Variants in BRD10 observed in about 807,000 individuals in gnomAD.
BRD10 encodes bromodomain containing 10, also known as uncharacterized bromodomain-containing protein 10.
the BRD10 span, among the ~76,000 whole-genome samples, chr9:5,940,856 C>G: frequency 1.3e-5 from 2 of 152,032 alleles, no homozygotes; most frequent in Non-Finnish European, 2.9e-5. Flanking sequence ...AGGGGCTTAT[C>G]TGATAAAAGA....
the BRD10 span, among the ~76,000 whole-genome samples, chr9:5,886,308 C>G: frequency 3.4e-4 from 52 of 152,310 alleles, no homozygotes; most frequent in African/African-American, 1.2e-3. Context: ...GAGAACCAGT[C>G]AGTGGCCAGC....
chr9:5,904,008 C>A, the BRD10 span, among the ~76,000 whole-genome samples: 1 of 152,042 alleles, frequency 6.6e-6, no homozygotes, highest in Admixed American at 6.6e-5. Flanking sequence ...CAGGTGTGCG[C>A]CACCAAGCCT....
chr9:5,924,128 T>G, the BRD10 span, among the ~76,000 whole-genome samples: 1 of 152,186 alleles, frequency 6.6e-6, no homozygotes, highest in Non-Finnish European at 1.5e-5. Flanking sequence ...TCAGATACAG[T>G]GCTTCAAAAA....
the BRD10 span, among the ~76,000 whole-genome samples, chr9:5,893,204 A>T: frequency 6.6e-6 from 1 of 152,208 alleles, no homozygotes; most frequent in South Asian, 2.1e-4. Context: ...ATTTCAGCAA[A>T]TGTAAGTGCG....
chr9:5,998,720 T>C, the BRD10 span, among the ~76,000 whole-genome samples: 2 of 152,094 alleles, frequency 1.3e-5, no homozygotes, highest in Non-Finnish European at 2.9e-5. Flanking sequence ...CTATAATTTA[T>C]ATACTCTTCT....
the BRD10 span, among the ~76,000 whole-genome samples, chr9:5,946,570 A>C: frequency 6.6e-6 from 1 of 152,046 alleles, no homozygotes. Context: ...TGAGGACTAA[A>C]CTTTTCATAG....
chr9:5,943,229 G>A, the BRD10 span, among the ~76,000 whole-genome samples: 1 of 152,074 alleles, frequency 6.6e-6, no homozygotes, highest in East Asian at 1.9e-4. Flanking sequence ...TGGAAATGAG[G>A]TGAATGGCTT....
At chr9:5,991,529 C>G in the BRD10 span, among the ~76,000 whole-genome samples, 12 of 152,072 alleles carry the variant, frequency 7.9e-5, no homozygotes, top group African/African-American at 2.7e-4. Context: ...TCCAGACCAG[C>G]TTGGCCAATA....
the BRD10 span, chr9:5,920,406 C>T: frequency 8.7e-6 from 14 of 1,613,786 alleles, no homozygotes; most frequent in East Asian, 2.2e-5. Context: ...AACTGACTCC[C>T]GACTAGACTA....
the BRD10 span, among the ~76,000 whole-genome samples, chr9:5,913,326 A>C: frequency 6.6e-6 from 1 of 152,198 alleles, no homozygotes; most frequent in Non-Finnish European, 1.5e-5. Context: ...AAAGAACAGA[A>C]GGGAGTCTCT....
the BRD10 span, among the ~76,000 whole-genome samples, chr9:5,954,607 C>G: frequency 3.0e-4 from 46 of 152,154 alleles, 1 homozygote; most frequent in Non-Finnish European, 1.5e-5. Context: ...ATAGGCTGCC[C>G]TTGGCGGTAT....
chr9:5,899,319 G>T, the BRD10 span: 1 of 152,196 alleles, frequency 6.6e-6, no homozygotes, highest in Non-Finnish European at 1.5e-5. Context: ...ATAAGGAGAA[G>T]GTGAGAGATA....
chr9:5,966,266 A>G, the BRD10 span, among the ~76,000 whole-genome samples: 2 of 152,026 alleles, frequency 1.3e-5, no homozygotes, highest in African/African-American at 2.4e-5. Context: ...TCCTCCTCCC[A>G]ATTTTCTCTC....
chr9:5,931,006 T>C, the BRD10 span, among the ~76,000 whole-genome samples: 4 of 152,210 alleles, frequency 2.6e-5, no homozygotes, highest in Non-Finnish European at 4.4e-5. Flanking sequence ...TGGAAGTAAA[T>C]CTTTCCTAAG....
chr9:5,919,545 C>CACAT, the BRD10 span: 1 of 525,388 alleles, frequency 1.9e-6, no homozygotes, highest in Non-Finnish European at 3.4e-6. Flanking sequence ...TACATTAAAA[C>CACAT]ACACACACAC....
At chr9:5,942,943 T>G in the BRD10 span, among the ~76,000 whole-genome samples, 1 of 152,158 alleles carries the variant, frequency 6.6e-6, no homozygotes. Context: ...AGTGGCATGA[T>G]CACAGCTCAC....
chr9:5,968,061 A>G, the BRD10 span: 24 of 1,546,202 alleles, frequency 1.6e-5, no homozygotes, highest in South Asian at 2.5e-4. Flanking sequence ...TTGATGATCA[A>G]TAACTTATTC....
At chr9:5,992,196 A>G in the BRD10 span, among the ~76,000 whole-genome samples, 1 of 152,224 alleles carries the variant, frequency 6.6e-6, no homozygotes, top group South Asian at 2.1e-4. Context: ...ATCTAACAAA[A>G]TGAAAGCTCC....
the BRD10 span, among the ~76,000 whole-genome samples, chr9:5,932,405 T>C: frequency 3.9e-5 from 6 of 152,194 alleles, no homozygotes; most frequent in South Asian, 4.1e-4. Flanking sequence ...CAACCACAGA[T>C]ATAAAATAAT....
Sources: gnomAD v4.1 joint callset for allele counts (sites outside exome capture counted in the v4.1 genomes callset) on GRCh38, gnomAD v4.1.1 for gene constraint, MANE v1.5 for transcripts, NCBI Gene and HGNC (gene_info 2026-07-23, HGNC 2026-07-21) for gene names.